The following FAIM2 variants were observed in gnomAD, a reference collection of about 807,000 sequenced individuals.
FAIM2 encodes Fas apoptotic inhibitory molecule 2, also known as protein lifeguard 2.
In FAIM2, 27 loss-of-function variants were observed where a neutral mutation model predicts 47.4. The ratio of observed to expected loss-of-function variants is 0.57; its 90% CI spans 0.42 to 0.78. FAIM2 has a LOEUF of 0.78. Ranked by LOEUF, FAIM2 falls within the 30% of genes least tolerant of loss-of-function variation. FAIM2 has a pLI of 0.00. For synonymous variants in FAIM2, 156 were observed against 159.3 expected (o/e 0.98, Z 0.16); for missense variants, 311 against 389.4 (o/e 0.80, Z 1.69).
intron 11 of FAIM2, among the ~76,000 whole-genome samples, chr12:49,885,292 T>G (rs1946853399): frequency 6.6e-6 from 1 of 152,096 alleles, no homozygotes; most frequent in Non-Finnish European, 1.5e-5. Context: ...CCAAGTAAAC[T>G]CCCCGGCCGG....
At chr12:49,894,451 G>A (rs1236096064) in intron 5 of FAIM2, among the ~76,000 whole-genome samples, 1 of 152,188 alleles carries the variant, frequency 6.6e-6, no homozygotes, top group Non-Finnish European at 1.5e-5. Context: ...AGGCGATGAG[G>A]GCCTTGAGAA....
intron 11 of FAIM2, among the ~76,000 whole-genome samples, chr12:49,886,687 A>G (rs546630119): frequency 1.1e-4 from 17 of 152,236 alleles, no homozygotes; most frequent in African/African-American, 3.6e-4. Context: ...CATGTTAGCC[A>G]GGATGGTCTT....
chr12:49,879,638 ATG>A (rs1263822678), intron 11 of FAIM2, among the ~76,000 whole-genome samples: 3 of 142,020 alleles, frequency 2.1e-5, no homozygotes, highest in South Asian at 2.3e-4. Flanking sequence ...ATGTGCGTGT[ATG>A]TGTGGGCATG....
At chr12:49,889,370 C>G in intron 9 of FAIM2, 111 bp downstream of exon 9, 2 of 1,089,898 alleles carry the variant, frequency 1.8e-6, no homozygotes, top group Non-Finnish European at 2.8e-6. Context: ...CAACTCACCC[C>G]CTTTACTTCT....
At chr12:49,889,417 C>A (rs941845658) in intron 9 of FAIM2, 64 bp downstream of exon 9, 1 of 1,470,064 alleles carries the variant, frequency 6.8e-7, no homozygotes, top group Non-Finnish European at 9.5e-7. Context: ...AGGCCCCCAC[C>A]CCATCTGCCT....
intron 11 of FAIM2, among the ~76,000 whole-genome samples, chr12:49,887,127 C>T (rs1011408017): frequency 6.6e-6 from 1 of 152,146 alleles, no homozygotes; most frequent in Non-Finnish European, 1.5e-5. Context: ...GATGCCTCTT[C>T]CCAGCTTTGC....
chr12:49,901,871 T>C (rs1811696718), intron 1 of FAIM2: 1 of 151,036 alleles, frequency 6.6e-6, no homozygotes, highest in African/African-American at 2.4e-5. Context: ...GCAAGGAGAA[T>C]GGAGATGGGA....
At chr12:49,873,409 G>GCA (rs1414269262) in intron 11 of FAIM2, among the ~76,000 whole-genome samples, 2 of 152,100 alleles carry the variant, frequency 1.3e-5, no homozygotes, top group African/African-American at 2.4e-5. Context: ...GGATTCCCAA[G>GCA]CACATTTTCC....
At chr12:49,871,752 C>T (rs1946704934) in intron 11 of FAIM2, among the ~76,000 whole-genome samples, 1 of 151,698 alleles carries the variant, frequency 6.6e-6, no homozygotes. Context: ...CTGCAACCTC[C>T]ACCTCCCAGG....
Position 49,890,153 on chromosome 12 carries a change from G to A in FAIM2, c.527C>T (p.Thr176Ile). 3 of 1,614,046 alleles carry A rather than the reference G, an allele frequency of 1.9e-6. No individual in the cohort carries two copies. Among genetic ancestry groups the A allele is most frequent in the Non-Finnish European group, 2.5e-6 (3 of 1,179,920 alleles). ...CCCAGTGAGGTAGGCCATGGACAGG[G>A]TCTGAAAGGAGAAGCAGGGTAAAGG... ...PWNLILLTVF[T>I]LSMAYLTGML... The change falls in exon 8 of 12, where the codon ACC becomes ATC. Residue 176 changes from threonine to isoleucine, a missense_variant and splice_region_variant. Physicochemically the swap from Thr to Ile is moderately conservative, Grantham distance 89. Coordinates refer to ENST00000320634, the MANE Select transcript of FAIM2 (RefSeq NM_012306.4).
intron 7 of FAIM2, 58 bp from the exon 8 acceptor site, chr12:49,890,212 C>T (rs1946890514): frequency 6.5e-7 from 1 of 1,542,996 alleles, no homozygotes; most frequent in African/African-American, 1.4e-5. Flanking sequence ...GGCCCAGGCA[C>T]CCTCGAGGTC....
At chr12:49,890,245 C>G in intron 7 of FAIM2, 91 bp from the exon 8 acceptor site, 1 of 1,164,054 alleles carries the variant, frequency 8.6e-7, no homozygotes, top group South Asian at 1.2e-5. Context: ...CCACCCCTTG[C>G]AGGTACCCCT....
At chr12:49,880,900 G>GTGTA (rs540378741) in intron 11 of FAIM2, among the ~76,000 whole-genome samples, 1 of 151,930 alleles carries the variant, frequency 6.6e-6, no homozygotes, top group East Asian at 1.9e-4. Flanking sequence ...GTGTGTGTGT[G>GTGTA]TCTCTCTGGA....
chr12:49,897,516 C>A lies in FAIM2; in HGVS notation c.380+3G>T. 1 of 1,613,996 alleles carries A rather than the reference C, an allele frequency of 6.2e-7. No homozygotes were observed. The highest frequency in any genetic ancestry group is 8.5e-7 in the Non-Finnish European group (1 of 1,179,876). ...AAGGTGCTGGTCCATGCTGCCAACT[C>A]ACCAGAAAGTAAAGAGAGCCACGAC... On this transcript the variant is annotated splice_donor_region_variant and intron_variant, in intron 4 of 11. Coordinates refer to ENST00000320634, the MANE Select transcript of FAIM2 (RefSeq NM_012306.4).
intron 5 of FAIM2, among the ~76,000 whole-genome samples, chr12:49,896,592 A>C (rs553292858): frequency 1.3e-5 from 2 of 152,272 alleles, no homozygotes; most frequent in South Asian, 4.1e-4. Context: ...AGCACACAGA[A>C]CAATACCCAG....
chr12:49,903,127 G>A (rs1946992417), intron 1 of FAIM2, among the ~76,000 whole-genome samples: 1 of 152,024 alleles, frequency 6.6e-6, no homozygotes, highest in African/African-American at 2.4e-5. Context: ...TACTAGGCCA[G>A]CCGAGTCTCT....
At chr12:49,894,779 G>A (rs1946924169) in intron 5 of FAIM2, among the ~76,000 whole-genome samples, 1 of 152,222 alleles carries the variant, frequency 6.6e-6, no homozygotes, top group Non-Finnish European at 1.5e-5. Flanking sequence ...GCTGCTCTGA[G>A]CCTCACTTTC....
At chr12:49,883,908 T>A (rs1565616112) in intron 11 of FAIM2, among the ~76,000 whole-genome samples, 1 of 152,032 alleles carries the variant, frequency 6.6e-6, no homozygotes, top group Non-Finnish European at 1.5e-5. Flanking sequence ...TTGACCTGGA[T>A]GAGAGTGTGT....
chr12:49,898,464 C>T (rs1043705695), intron 2 of FAIM2, among the ~76,000 whole-genome samples: 3 of 151,460 alleles, frequency 2.0e-5, no homozygotes, highest in African/African-American at 2.4e-5. Context: ...AGAGGGCCAG[C>T]CACTCTCTCT....
Sources: allele counts gnomAD v4.1 joint callset (sites outside exome capture counted in the v4.1 genomes callset), GRCh38; gene constraint gnomAD v4.1.1; transcripts MANE v1.5; gene names NCBI Gene and HGNC (gene_info 2026-07-23, HGNC 2026-07-21).